Variants in TSPAN5 observed in about 807,000 individuals in gnomAD.
TSPAN5 encodes the protein tetraspanin-5.
In TSPAN5, 10 loss-of-function variants were observed where a neutral mutation model predicts 37.1. That is an observed-to-expected ratio of 0.27 (90% confidence interval 0.17 to 0.46). TSPAN5 has a LOEUF of 0.46. Ranked by LOEUF, TSPAN5 falls within the 20% of genes least tolerant of loss-of-function variation. The probability of loss-of-function intolerance (pLI) is 1.00; values close to 1 mark genes in which losing one functional copy is unlikely to be tolerated. For missense variants in TSPAN5, 195 were observed against 326.6 expected (o/e 0.60, Z 3.11); for synonymous variants, 110 against 118.9 (o/e 0.93, Z 0.48).
chr4:98,610,063 T>C (rs1416062044), intron 1 of TSPAN5, among the ~76,000 whole-genome samples: 1 of 152,224 alleles, frequency 6.6e-6, no homozygotes, highest in African/African-American at 2.4e-5. Flanking sequence ...TCTGAGCTCA[T>C]CTTAGTCCAT....
At chr4:98,491,901 A>T (rs945580177) in intron 2 of TSPAN5, among the ~76,000 whole-genome samples, 2 of 151,444 alleles carry the variant, frequency 1.3e-5, no homozygotes, top group Non-Finnish European at 2.9e-5. Context: ...GTAGTTGACA[A>T]GAAGCTGTAA....
intron 2 of TSPAN5, among the ~76,000 whole-genome samples, chr4:98,493,340 T>TG (rs551868706): frequency 1.6e-4 from 24 of 152,202 alleles, no homozygotes; most frequent in Non-Finnish European, 3.2e-4. Context: ...TAGCAAGCCC[T>TG]GGGGGCTAAA....
At chr4:98,571,404 C>T (rs1755115584) in intron 1 of TSPAN5, among the ~76,000 whole-genome samples, 1 of 148,970 alleles carries the variant, frequency 6.7e-6, no homozygotes, top group South Asian at 2.1e-4. Context: ...CCCCAGGCAG[C>T]CTGGAGCATT....
At chr4:98,554,920 G>C (rs1026641954) in intron 1 of TSPAN5, among the ~76,000 whole-genome samples, 2 of 152,198 alleles carry the variant, frequency 1.3e-5, no homozygotes. Flanking sequence ...TCAAGGTGGG[G>C]GTTGGGGAGA....
chr4:98,623,570 G>C (rs1429568120), intron 1 of TSPAN5, among the ~76,000 whole-genome samples: 1 of 152,160 alleles, frequency 6.6e-6, no homozygotes, highest in African/African-American at 2.4e-5. Context: ...TCAATCACGA[G>C]TGTAGCTAAT....
intron 1 of TSPAN5, among the ~76,000 whole-genome samples, chr4:98,637,734 C>A (rs1029401195): frequency 6.6e-6 from 1 of 152,064 alleles, no homozygotes; most frequent in African/African-American, 2.4e-5. Flanking sequence ...AACAAATGTC[C>A]CCACTTGGCT....
At chr4:98,657,853 C>T (rs1431077532) in intron 1 of TSPAN5, among the ~76,000 whole-genome samples, 1 of 152,028 alleles carries the variant, frequency 6.6e-6, no homozygotes, top group African/African-American at 2.4e-5. Context: ...TCTCAAACTG[C>T]CGAACCCTTT....
chr4:98,577,580 T>C (rs1293908252), intron 1 of TSPAN5, among the ~76,000 whole-genome samples: 1 of 152,210 alleles, frequency 6.6e-6, no homozygotes, highest in Non-Finnish European at 1.5e-5. Flanking sequence ...ACTGTATCAA[T>C]TTTTGCTGTT....
chr4:98,592,556 A>G (rs1452727733), intron 1 of TSPAN5, among the ~76,000 whole-genome samples: 1 of 148,034 alleles, frequency 6.8e-6, no homozygotes, highest in Non-Finnish European at 1.5e-5. Context: ...GTCTAGCATT[A>G]GGTATATCTC....
intron 1 of TSPAN5, among the ~76,000 whole-genome samples, chr4:98,526,254 C>T (rs11930683): frequency 2.7e-4 from 41 of 152,164 alleles, no homozygotes; most frequent in African/African-American, 9.2e-4. Flanking sequence ...CATTTAGAAG[C>T]CAGAATACCA....
chr4:98,498,387 C>T (rs766274222), intron 2 of TSPAN5, among the ~76,000 whole-genome samples: 13 of 152,168 alleles, frequency 8.5e-5, no homozygotes, highest in Non-Finnish European at 1.8e-4. Flanking sequence ...TAACATCATA[C>T]ATATGTTTCT....
intron 2 of TSPAN5, among the ~76,000 whole-genome samples, chr4:98,503,395 C>T (rs912800006): frequency 3.3e-5 from 5 of 152,170 alleles, no homozygotes; most frequent in Non-Finnish European, 7.4e-5. Flanking sequence ...AGCCCACATC[C>T]TGTGAGGACC....
At chr4:98,636,288 G>A (rs1257412746) in intron 1 of TSPAN5, among the ~76,000 whole-genome samples, 2 of 152,212 alleles carry the variant, frequency 1.3e-5, no homozygotes, top group Non-Finnish European at 2.9e-5. Flanking sequence ...AACTGAGGGA[G>A]CCTGAATATT....
chr4:98,512,984 G>T (rs1339316895), intron 1 of TSPAN5, among the ~76,000 whole-genome samples: 5 of 152,166 alleles, frequency 3.3e-5, no homozygotes, highest in Non-Finnish European at 1.5e-5. Flanking sequence ...ATAACAGGGG[G>T]ATTTGACCTG....
chr4:98,609,161 C>T (rs1164919150), intron 1 of TSPAN5, among the ~76,000 whole-genome samples: 2 of 152,110 alleles, frequency 1.3e-5, no homozygotes, highest in Non-Finnish European at 2.9e-5. Context: ...CACCACTAGA[C>T]CAAGATTTTC....
chr4:98,477,642 T>C (rs1218613442), intron 5 of TSPAN5, among the ~76,000 whole-genome samples: 5 of 150,212 alleles, frequency 3.3e-5, no homozygotes, highest in Admixed American at 3.3e-4. Context: ...ATGTTTGTCA[T>C]TCTAACACTA....
chr4:98,547,416 A>G (rs6532748), intron 1 of TSPAN5, among the ~76,000 whole-genome samples: 105,847 of 152,084 alleles, frequency 0.7, 37,116 homozygotes, highest in South Asian at 0.82. Flanking sequence ...GGACTGGCAG[A>G]GCAGAGGAAG....
At chr4:98,654,871 G>A (rs59383241) in intron 1 of TSPAN5, among the ~76,000 whole-genome samples, 24,604 of 152,086 alleles carry the variant, frequency 0.16, 2,460 homozygotes, top group Middle Eastern at 0.24. Flanking sequence ...TTTTTGAGAC[G>A]GAGTCTTGCT....
intron 2 of TSPAN5, among the ~76,000 whole-genome samples, chr4:98,505,836 C>T (rs75532697): frequency 0.015 from 2,328 of 152,272 alleles, 66 homozygotes; most frequent in African/African-American, 0.053. Context: ...TGGAGTTCTG[C>T]TACATGGAGC....
Sources: gnomAD v4.1 joint callset for allele counts (sites outside exome capture counted in the v4.1 genomes callset) on GRCh38, gnomAD v4.1.1 for gene constraint, MANE v1.5 for transcripts, NCBI Gene and HGNC (gene_info 2026-07-23, HGNC 2026-07-21) for gene names.